The following KHDRBS2 variants were observed in gnomAD, a reference collection of about 807,000 sequenced individuals.
KHDRBS2 encodes KH RNA binding domain containing, signal transduction associated 2.
KHDRBS2 carries 26 observed loss-of-function variants against 44.3 expected under a neutral mutation model. The observed-to-expected ratio is 0.59, with a 90% CI of 0.43 to 0.81. KHDRBS2 has a LOEUF of 0.81. Ranked by LOEUF, KHDRBS2 falls within the 40% of genes least tolerant of loss-of-function variation. The pLI is 0.00. For synonymous variants in KHDRBS2, 194 were observed against 151.1 expected (o/e 1.28, Z -2.08); for missense variants, 476 against 433.1 (o/e 1.10, Z -0.88).
chr6:61,945,113 GTATATATATATATATATATA>G (rs61105265), intron 4 of KHDRBS2, among the ~76,000 whole-genome samples: 1 of 14,988 alleles, frequency 6.7e-5, no homozygotes, highest in Admixed American at 1.3e-3. Context: ...AAAAAAAAAA[GTATATATATATATATATATA>G]TATATATATA....
At chr6:62,054,508 T>C (rs745988433) in intron 2 of KHDRBS2, among the ~76,000 whole-genome samples, 22 of 152,030 alleles carry the variant, frequency 1.4e-4, no homozygotes, top group Non-Finnish European at 2.5e-4. Context: ...TATATGGGTG[T>C]GATTAAATTA....
chr6:61,788,061 G>A (rs1022736508), intron 6 of KHDRBS2, among the ~76,000 whole-genome samples: 2 of 151,518 alleles, frequency 1.3e-5, no homozygotes, highest in African/African-American at 4.8e-5. Flanking sequence ...AATTTTTTAA[G>A]TGCATCCTAA....
At chr6:61,933,918 C>G (rs1442183179) in intron 4 of KHDRBS2, among the ~76,000 whole-genome samples, 2 of 152,132 alleles carry the variant, frequency 1.3e-5, no homozygotes, top group Non-Finnish European at 2.9e-5. Context: ...TTTCTACCAA[C>G]AGTGTATAAG....
chr6:61,716,135 G>A (rs926060127), intron 7 of KHDRBS2, among the ~76,000 whole-genome samples: 10 of 151,818 alleles, frequency 6.6e-5, no homozygotes, highest in Admixed American at 4.6e-4. Flanking sequence ...TTTGCTTTTC[G>A]GGATACTCAT....
chr6:61,583,182 A>C, the KHDRBS2 span, among the ~76,000 whole-genome samples: 1 of 151,828 alleles, frequency 6.6e-6, no homozygotes, highest in African/African-American at 2.4e-5. Context: ...TCTGATTTGT[A>C]TCACCACTGG....
chr6:61,891,135 T>G (rs990910625), intron 6 of KHDRBS2, among the ~76,000 whole-genome samples: 1 of 152,142 alleles, frequency 6.6e-6, no homozygotes, highest in African/African-American at 2.4e-5. Flanking sequence ...ATAATTTACA[T>G]AAGACATTGA....
chr6:61,621,866 G>C, the KHDRBS2 span, among the ~76,000 whole-genome samples: 1 of 152,168 alleles, frequency 6.6e-6, no homozygotes, highest in East Asian at 1.9e-4. Context: ...AGCCATCAAT[G>C]AACTGACCAC....
intron 2 of KHDRBS2, among the ~76,000 whole-genome samples, chr6:62,091,125 A>G (rs73758660): frequency 6.6e-6 from 1 of 152,092 alleles, no homozygotes; most frequent in African/African-American, 2.4e-5. Flanking sequence ...ACCGTGGAGC[A>G]CAACACCTCT....
chr6:61,564,774 G>A, the KHDRBS2 span, among the ~76,000 whole-genome samples: 3 of 151,916 alleles, frequency 2.0e-5, no homozygotes, highest in Admixed American at 6.6e-5. Flanking sequence ...CCCTTTCTAG[G>A]TCAGGCTTGT....
chr6:61,544,046 C>T, the KHDRBS2 span, among the ~76,000 whole-genome samples: 2 of 151,490 alleles, frequency 1.3e-5, no homozygotes, highest in East Asian at 1.9e-4. Flanking sequence ...ATTTGATAGC[C>T]CAATAATGTG....
In KHDRBS2 at chr6:61,814,490, C is replaced by T. The variant is rs183551676; in HGVS notation, c.810+80145G>A. ...GGTGTGGTGCTGCGTGCCTGTAATC[C>T]CAGCTACTTGGGATGCTGAGGCAGG... On this transcript the variant is annotated intron_variant, in intron 6 of 8. Coordinates refer to ENST00000281156, the MANE Select transcript of KHDRBS2 (RefSeq NM_152688.4). 8.4e-4 allele frequency among the ~76,000 whole-genome samples: 123 copies of T among 145,894 alleles called. 1 individual carries two copies. Among genetic ancestry groups the T allele is most frequent in the African/African-American group, 3.1e-3 (117 of 38,266 alleles).
At chr6:62,066,229 T>C (rs73758644) in intron 2 of KHDRBS2, among the ~76,000 whole-genome samples, 3,722 of 151,800 alleles carry the variant, frequency 0.025, 163 homozygotes, top group African/African-American at 0.084. Context: ...GCCTATTCAA[T>C]TGTCTGAATA....
rs567190179 is a variant in KHDRBS2, at chr6:62,106,287, T to C, written c.220-58293A>G. On this transcript the variant is annotated intron_variant, in intron 2 of 8. Transcript: ENST00000281156. ...TGGGGTGGAGAGTTCTGTAGATGTC[T>C]ATTAGGTCTGCTTGGTGCAGAGCTG... Among the ~76,000 whole-genome samples, 4 of 152,276 alleles carry C rather than the reference T, an allele frequency of 2.6e-5. No homozygotes were observed. In the South Asian group the frequency reaches 8.3e-4, roughly 32 times the overall value.
the KHDRBS2 span, among the ~76,000 whole-genome samples, chr6:61,619,340 T>C: frequency 1.3e-5 from 2 of 151,968 alleles, no homozygotes; most frequent in Admixed American, 6.6e-5. Flanking sequence ...CTTCCACTTA[T>C]AGGTGAGAAC....
chr6:61,985,258 C>T (rs1361865588), intron 3 of KHDRBS2, among the ~76,000 whole-genome samples: 4 of 152,034 alleles, frequency 2.6e-5, no homozygotes, highest in African/African-American at 9.7e-5. Flanking sequence ...GCCTCAACTG[C>T]CATGATTTTA....
intron 6 of KHDRBS2, among the ~76,000 whole-genome samples, chr6:61,740,106 G>A (rs1775932847): frequency 6.6e-6 from 1 of 151,862 alleles, no homozygotes; most frequent in Non-Finnish European, 1.5e-5. Flanking sequence ...GTATGTAACA[G>A]GTGCTATGGA....
intron 1 of KHDRBS2, among the ~76,000 whole-genome samples, chr6:62,260,233 G>A (rs1838119379): frequency 6.6e-6 from 1 of 151,986 alleles, no homozygotes; most frequent in Admixed American, 6.6e-5. Context: ...AAAGATTAAT[G>A]TAGATTGTGC....
intron 6 of KHDRBS2, among the ~76,000 whole-genome samples, chr6:61,789,647 C>T (rs1447011443): frequency 6.6e-6 from 1 of 151,282 alleles, no homozygotes; most frequent in African/African-American, 2.4e-5. Flanking sequence ...TGGGGTGGCT[C>T]TTATAGGAAA....
chr6:61,759,375 G>T (rs1384450528), intron 6 of KHDRBS2, among the ~76,000 whole-genome samples: 1 of 152,046 alleles, frequency 6.6e-6, no homozygotes, highest in African/African-American at 2.4e-5. Context: ...AAGTTAAAAT[G>T]CAATGCCCAT....
Sources: gnomAD v4.1 joint callset for allele counts (sites outside exome capture counted in the v4.1 genomes callset) on GRCh38, gnomAD v4.1.1 for gene constraint, MANE v1.5 for transcripts, NCBI Gene and HGNC (gene_info 2026-07-23, HGNC 2026-07-21) for gene names.